The following FCHSD2 variants were observed in gnomAD, a reference collection of about 807,000 sequenced individuals.
FCHSD2 encodes the protein F-BAR and double SH3 domains protein 2.
FCHSD2 carries 38 observed loss-of-function variants against 108.1 expected under a neutral mutation model. The observed-to-expected ratio is 0.35, with a 90% CI of 0.27 to 0.46. The LOEUF (loss-of-function observed/expected upper bound fraction) is 0.46. Among genes scored for constraint, FCHSD2 ranks in the 20% least tolerant of loss-of-function variants. The pLI, the probability that FCHSD2 is intolerant of heterozygous loss-of-function variation, is 1.00. For missense variants in FCHSD2, 751 were observed against 897.8 expected, an observed-to-expected ratio of 0.84 and a Z score of 2.09; for synonymous variants, 279 against 314.7, an observed-to-expected ratio of 0.89 and a Z score of 1.20.
intron 12 of FCHSD2, among the ~76,000 whole-genome samples, chr11:72,870,669 G>T (rs1034034070): frequency 6.6e-6 from 1 of 151,568 alleles, no homozygotes; most frequent in African/African-American, 2.4e-5. Flanking sequence ...GGGAAGCCGA[G>T]GGGGGCAGAT....
intron 3 of FCHSD2, among the ~76,000 whole-genome samples, chr11:73,016,251 C>T (rs994296561): frequency 2.0e-5 from 3 of 150,096 alleles, no homozygotes; most frequent in Non-Finnish European, 4.4e-5. Flanking sequence ...TGCAGTGAGC[C>T]GAGACTGGGC....
At chr11:73,041,211 G>A (rs1462756665) in intron 3 of FCHSD2, among the ~76,000 whole-genome samples, 1 of 152,076 alleles carries the variant, frequency 6.6e-6, no homozygotes, top group African/African-American at 2.4e-5. Context: ...ATATCCCTTC[G>A]ATATACTGAT....
chr11:72,889,212 C>T (rs1053226423), intron 11 of FCHSD2, among the ~76,000 whole-genome samples: 2 of 152,182 alleles, frequency 1.3e-5, no homozygotes, highest in East Asian at 1.9e-4. Context: ...CCACCCACCT[C>T]GGCCTCCCAA....
intron 8 of FCHSD2, among the ~76,000 whole-genome samples, chr11:72,938,707 G>A (rs1479117804): frequency 1.3e-5 from 2 of 152,176 alleles, no homozygotes; most frequent in Admixed American, 6.5e-5. Context: ...TACACAAACA[G>A]TAGAGAGGAA....
chr11:72,965,229 A>C (rs1000851729), intron 8 of FCHSD2, among the ~76,000 whole-genome samples: 5 of 152,214 alleles, frequency 3.3e-5, no homozygotes, highest in Admixed American at 1.3e-4. Flanking sequence ...TGTACATTAT[A>C]CTGTAGAAAT....
intron 3 of FCHSD2, among the ~76,000 whole-genome samples, chr11:73,038,200 G>A (rs1315092320): frequency 1.3e-5 from 2 of 151,908 alleles, no homozygotes; most frequent in African/African-American, 2.4e-5. Flanking sequence ...AAATTAACTG[G>A]GCGTGGTAGT....
In FCHSD2 at chr11:73,122,185, A is replaced by G. The variant is rs534874131; in HGVS notation, c.119+17846T>C. ...GTTGCTAACTTAAAAGGCAAAAAAA[A>G]AAAATGTAGCTCAAAGCCAAATCAA... On this transcript the variant is annotated intron_variant, in intron 2 of 19. Transcript: ENST00000409418. Among the ~76,000 whole-genome samples the G allele has an allele frequency of 2.6e-5, 4 of 152,332 alleles. No homozygotes were observed. The South Asian group carries it at 8.3e-4, about 32-fold the overall frequency.
chr11:72,935,659 G>A (rs1856284776), intron 8 of FCHSD2, among the ~76,000 whole-genome samples: 1 of 152,132 alleles, frequency 6.6e-6, no homozygotes. Flanking sequence ...GTACTGGGCT[G>A]TATTTACATT....
At chr11:72,952,341 T>C (rs78355612) in intron 8 of FCHSD2, among the ~76,000 whole-genome samples, 1 of 152,098 alleles carries the variant, frequency 6.6e-6, no homozygotes, top group African/African-American at 2.4e-5. Flanking sequence ...TTTTTTTTTT[T>C]TGAGACAGGG....
chr11:73,117,692 T>C (rs1262825994), intron 2 of FCHSD2, among the ~76,000 whole-genome samples: 2 of 152,180 alleles, frequency 1.3e-5, no homozygotes, highest in East Asian at 3.9e-4. Flanking sequence ...AATTTTTCAA[T>C]CACATTGTAA....
chr11:72,942,581 T>C (rs775833511), intron 8 of FCHSD2, among the ~76,000 whole-genome samples: 2 of 152,206 alleles, frequency 1.3e-5, no homozygotes, highest in African/African-American at 4.8e-5. Context: ...ACTGTTACAA[T>C]GTGAAGTTAT....
intron 8 of FCHSD2, among the ~76,000 whole-genome samples, chr11:72,930,355 T>C (rs768259572): frequency 3.3e-5 from 5 of 152,242 alleles, no homozygotes; most frequent in Admixed American, 1.3e-4. Context: ...CTTTGTTCTT[T>C]GTACATACTG....
intron 6 of FCHSD2, among the ~76,000 whole-genome samples, chr11:72,986,955 A>C (rs1857323352): frequency 6.6e-6 from 1 of 152,178 alleles, no homozygotes; most frequent in Non-Finnish European, 1.5e-5. Context: ...TATACTATGT[A>C]ACTACCATCT....
chr11:73,015,815 T>C lies in FCHSD2; in HGVS notation c.236A>G (p.Asp79Gly). Residue 79 changes from aspartate (D) to glycine (G), a missense_variant, in exon 4 of 20, where the codon GAT (aspartate) becomes GGT (glycine). Asp to Gly is a moderately conservative substitution (Grantham distance 94, BLOSUM62 -1). Coordinates refer to ENST00000409418, the MANE Select transcript of FCHSD2 (RefSeq NM_014824.3). ...GCAAAAACTACTAATTTACCTGTAA[T>C]CATTCCGATCATCAGCTTTTACTCC... ...WPGVKADDRN[D>G]YRSMYPVWKS... 1.2e-6 allele frequency: 2 copies of C among 1,600,820 alleles called. No homozygotes were observed. Among genetic ancestry groups the C allele is most frequent in the Non-Finnish European group, 1.7e-6 (2 of 1,171,372 alleles).
intron 3 of FCHSD2, among the ~76,000 whole-genome samples, chr11:73,072,688 T>C (rs1181522781): frequency 6.6e-6 from 1 of 152,162 alleles, no homozygotes; most frequent in African/African-American, 2.4e-5. Context: ...TAGGACAAGA[T>C]TGGCAGAAAG....
intron 3 of FCHSD2, among the ~76,000 whole-genome samples, chr11:73,053,792 C>A (rs1306294505): frequency 6.6e-6 from 1 of 152,170 alleles, no homozygotes; most frequent in Non-Finnish European, 1.5e-5. Flanking sequence ...AGCAGCGATT[C>A]TCTATATTAA....
intron 8 of FCHSD2, among the ~76,000 whole-genome samples, chr11:72,966,123 C>T (rs1329760913): frequency 6.7e-6 from 1 of 150,250 alleles, no homozygotes; most frequent in Non-Finnish European, 1.5e-5. Flanking sequence ...ATCTACAGGG[C>T]AAGAAGGAAG....
rs185260595 is a variant in FCHSD2, at chr11:72,914,000, T to C, written c.828+7828A>G. On this transcript the variant is annotated intron_variant, in intron 9 of 19. Coordinates refer to ENST00000409418, the MANE Select transcript of FCHSD2 (RefSeq NM_014824.3). ...ATCAATATCATAAAAATGGCCATAC[T>C]GCCTTAAGCTATTTATTTATTTATT... is the stretch of plus-strand genomic sequence containing the variant. Among the ~76,000 whole-genome samples, 518 of 152,190 alleles carry C rather than the reference T, an allele frequency of 3.4e-3. 5 individuals are homozygous for C. Among genetic ancestry groups the C allele is most frequent in the Non-Finnish European group, 4.2e-3 (286 of 68,006 alleles).
chr11:73,015,730 G>C, intron 4 of FCHSD2, 79 bp downstream of exon 4: 1 of 738,928 alleles, frequency 1.4e-6, no homozygotes, highest in Non-Finnish European at 2.2e-6. Flanking sequence ...TTAAAAACTA[G>C]AGTGTTACAT....
Sources: gnomAD v4.1 joint callset for allele counts (sites outside exome capture counted in the v4.1 genomes callset) on GRCh38, gnomAD v4.1.1 for gene constraint, MANE v1.5 for transcripts, NCBI Gene and HGNC (gene_info 2026-07-23, HGNC 2026-07-21) for gene names.